The following MYRIP variants were observed in gnomAD, a reference collection of about 807,000 sequenced individuals.
MYRIP encodes the protein myosin VIIA and Rab interacting protein.
In MYRIP, 49 loss-of-function variants were observed where a neutral mutation model predicts 98.0. The observed-to-expected ratio is 0.50, with a 90% CI of 0.40 to 0.63. The LOEUF (loss-of-function observed/expected upper bound fraction) is 0.63, where lower values mean the gene tolerates loss of function less well. Ranked by LOEUF, MYRIP falls within the 30% of genes least tolerant of loss-of-function variation. The pLI is 0.00. For synonymous variants in MYRIP, 404 were observed against 409.5 expected, an observed-to-expected ratio of 0.99 and a Z score of 0.16; for missense variants, 1,004 against 1,058.2, an observed-to-expected ratio of 0.95 and a Z score of 0.71.
chr3:40,184,889 T>A (rs1175546546), intron 9 of MYRIP, among the ~76,000 whole-genome samples: 1 of 152,178 alleles, frequency 6.6e-6, no homozygotes, highest in Non-Finnish European at 1.5e-5. Context: ...ACTCTATGCA[T>A]CTCTCAGGAT....
At chr3:39,863,137 T>A (rs1021074834) in intron 1 of MYRIP, among the ~76,000 whole-genome samples, 5 of 151,664 alleles carry the variant, frequency 3.3e-5, no homozygotes, top group Non-Finnish European at 7.4e-5. Context: ...CATACTACAA[T>A]CATAGGGACA....
At chr3:39,929,874 C>T (rs535195451) in intron 2 of MYRIP, among the ~76,000 whole-genome samples, 3 of 151,952 alleles carry the variant, frequency 2.0e-5, no homozygotes, top group South Asian at 2.1e-4. Context: ...GGCATGTTTT[C>T]GAGGTTCATC....
intron 2 of MYRIP, among the ~76,000 whole-genome samples, chr3:40,042,305 AAAAAG>A (rs1947554920): frequency 6.6e-6 from 1 of 150,440 alleles, no homozygotes; most frequent in African/African-American, 2.5e-5. Flanking sequence ...AAAAAAAAAA[AAAAAG>A]AGAGCCAACC....
At chr3:39,878,591 T>A (rs1943074650) in intron 1 of MYRIP, among the ~76,000 whole-genome samples, 1 of 152,022 alleles carries the variant, frequency 6.6e-6, no homozygotes, top group Non-Finnish European at 1.5e-5. Flanking sequence ...TATATATATA[T>A]ACATTTGTAT....
intron 11 of MYRIP, among the ~76,000 whole-genome samples, chr3:40,219,284 G>C (rs1952247803): frequency 6.6e-6 from 1 of 152,066 alleles, no homozygotes; most frequent in Admixed American, 6.6e-5. Flanking sequence ...AACCTTAAAG[G>C]CCTGAAATAT....
intron 3 of MYRIP, among the ~76,000 whole-genome samples, chr3:40,073,573 A>G (rs139887697): frequency 5.3e-5 from 8 of 152,326 alleles, no homozygotes; most frequent in Non-Finnish European, 1.2e-4. Context: ...GTTGCTCATT[A>G]CCACCATCCC....
At chr3:40,176,424 TAAAG>T (rs1208184451) in intron 8 of MYRIP, among the ~76,000 whole-genome samples, 3 of 152,036 alleles carry the variant, frequency 2.0e-5, no homozygotes, top group African/African-American at 4.8e-5. Flanking sequence ...GGGATTTAGA[TAAAG>T]AAGAAGACAT....
chr3:40,202,754 T>C (rs1204113206), intron 10 of MYRIP, among the ~76,000 whole-genome samples: 5 of 152,000 alleles, frequency 3.3e-5, no homozygotes, highest in African/African-American at 1.2e-4. Context: ...TCTTCATCAA[T>C]ACAGAGTTCC....
rs1437248691 is a variant in MYRIP, at chr3:40,160,309, G to A, written c.470-2421G>A. On this transcript the variant is annotated intron_variant, in intron 4 of 16. Transcript: ENST00000302541. The stretch of plus-strand genomic sequence containing the variant: ...GTGCCTCCCAGTTAGGCTGCTCGGG[G>A]ATCAGGGGTCAGGGACCCACTTGAG... 3.7e-4 allele frequency among the ~76,000 whole-genome samples: 56 copies of A among 152,344 alleles called. No homozygotes were observed. In the South Asian group the frequency reaches 0.011, roughly 29 times the overall value.
chr3:40,181,078 G>T (rs191752383), intron 8 of MYRIP, among the ~76,000 whole-genome samples: 1 of 152,208 alleles, frequency 6.6e-6, no homozygotes, highest in Non-Finnish European at 1.5e-5. Flanking sequence ...CATTTTTGCT[G>T]TCTTTCTTTC....
At chr3:39,973,473 G>A (rs1277218445) in intron 2 of MYRIP, among the ~76,000 whole-genome samples, 2 of 152,130 alleles carry the variant, frequency 1.3e-5, no homozygotes, top group African/African-American at 2.4e-5. Flanking sequence ...ACACCCCACT[G>A]TCAACATTAG....
chr3:39,919,692 T>TGG (rs1358520538), intron 2 of MYRIP, among the ~76,000 whole-genome samples: 12 of 134,548 alleles, frequency 8.9e-5, no homozygotes, highest in Non-Finnish European at 1.5e-4. Context: ...CGGGTATGTG[T>TGG]GGTGTGTGTG....
chr3:39,825,016 GC>G (rs1364113892), intron 1 of MYRIP, among the ~76,000 whole-genome samples: 2 of 152,140 alleles, frequency 1.3e-5, no homozygotes, highest in East Asian at 3.8e-4. Flanking sequence ...ACTGTGCCCA[GC>G]CAGTGCTATT....
chr3:40,236,043 G>A (rs966007253), intron 12 of MYRIP, among the ~76,000 whole-genome samples: 2 of 152,172 alleles, frequency 1.3e-5, no homozygotes, highest in African/African-American at 4.8e-5. Context: ...ATATAGTCAT[G>A]TGCTACATAA....
chr3:39,927,299 A>G (rs1043297011), intron 2 of MYRIP, among the ~76,000 whole-genome samples: 2 of 151,994 alleles, frequency 1.3e-5, no homozygotes, highest in African/African-American at 4.8e-5. Context: ...TTCTTTTCCT[A>G]TGTGGATACC....
At chr3:40,031,683 T>C (rs1291297049) in intron 2 of MYRIP, among the ~76,000 whole-genome samples, 1 of 152,152 alleles carries the variant, frequency 6.6e-6, no homozygotes, top group Non-Finnish European at 1.5e-5. Flanking sequence ...AAACCTCTAT[T>C]CAGAGATTCA....
At chr3:40,166,802 A>G (rs1208647477) in intron 5 of MYRIP, 44 bp from the exon 6 acceptor site, 1 of 1,298,604 alleles carries the variant, frequency 7.7e-7, no homozygotes. Flanking sequence ...CGTTTTACTC[A>G]TCATTCCCTT....
intron 2 of MYRIP, among the ~76,000 whole-genome samples, chr3:39,916,669 C>A (rs779853890): frequency 6.6e-6 from 1 of 151,980 alleles, no homozygotes; most frequent in Non-Finnish European, 1.5e-5. Flanking sequence ...ATTTCAAACC[C>A]CACAAACCTT....
intron 2 of MYRIP, among the ~76,000 whole-genome samples, chr3:40,012,572 A>G (rs569413210): frequency 1.3e-5 from 2 of 152,300 alleles, no homozygotes; most frequent in South Asian, 4.1e-4. Flanking sequence ...CCTAAGTCAG[A>G]TTAGCATTTG....
Sources: allele counts gnomAD v4.1 joint callset (sites outside exome capture counted in the v4.1 genomes callset), GRCh38; gene constraint gnomAD v4.1.1; transcripts MANE v1.5; gene names NCBI Gene and HGNC (gene_info 2026-07-23, HGNC 2026-07-21).